The following FKBP3 variants were observed in gnomAD, a reference collection of about 807,000 sequenced individuals.
FKBP3 encodes peptidyl-prolyl cis-trans isomerase FKBP3.
A neutral mutation model predicts 30.6 loss-of-function variants in FKBP3; 21 were observed. The ratio of observed to expected loss-of-function variants is 0.69; its 90% CI spans 0.49 to 0.99. The LOEUF is 0.99. Among genes scored for constraint, FKBP3 ranks in the 50% least tolerant of loss-of-function variants. The pLI is 0.00. For missense variants in FKBP3, 283 were observed against 261.6 expected (o/e 1.08, Z -0.56); for synonymous variants, 82 against 91.3 (o/e 0.90, Z 0.58).
In FKBP3 at chr14:45,120,898, CTT is replaced by C; in HGVS notation, c.509_510del (p.Lys170SerfsTer7). ...KPLSFKVGVG[K>X]VIRGWDEALL... ...CATTCTTTACTTACTCCTCTGATAACTTTGCCTACTCCGACCTTAAAACTTAA... is the reference window on the plus strand; with the variant it reads ...CATTCTTTACTTACTCCTCTGATAACTGCCTACTCCGACCTTAAAACTTAA... On this transcript the variant is annotated frameshift_variant, in exon 5 of 7. Coordinates refer to ENST00000396062, the MANE Select transcript of FKBP3 (RefSeq NM_002013.4). LOFTEE classifies it high-confidence loss of function. 1 of 1,613,050 alleles carries C rather than the reference CTT, an allele frequency of 6.2e-7. No homozygotes were observed. The highest frequency in any genetic ancestry group is 8.5e-7 in the Non-Finnish European group (1 of 1,179,462).
At chr14:45,131,653 A>T (rs995863772) in intron 1 of FKBP3, among the ~76,000 whole-genome samples, 1 of 150,850 alleles carries the variant, frequency 6.6e-6, no homozygotes, top group Non-Finnish European at 1.5e-5. Flanking sequence ...AAAAAAAAAA[A>T]TCCTAGCTGT....
intron 3 of FKBP3, among the ~76,000 whole-genome samples, chr14:45,122,649 G>A (rs540819103): frequency 4.3e-4 from 65 of 151,764 alleles, no homozygotes; most frequent in Non-Finnish European, 7.1e-4. Context: ...GACTACAGGC[G>A]CCTGCCACCA....
intron 6 of FKBP3, 119 bp from the exon 7 acceptor site, chr14:45,116,371 C>T: frequency 1.5e-6 from 1 of 667,736 alleles, no homozygotes; most frequent in Non-Finnish European, 2.7e-6. Flanking sequence ...GACTAGGATC[C>T]TCCTTACCTG....
chr14:45,126,074 T>A (rs755063380), intron 3 of FKBP3, among the ~76,000 whole-genome samples: 23 of 151,982 alleles, frequency 1.5e-4, no homozygotes, highest in Middle Eastern at 3.4e-3. Flanking sequence ...ACTTTTTTGG[T>A]AGAGACAGGT....
intron 3 of FKBP3, among the ~76,000 whole-genome samples, chr14:45,124,708 G>A (rs1339685437): frequency 1.3e-5 from 2 of 151,462 alleles, no homozygotes; most frequent in South Asian, 2.1e-4. Flanking sequence ...CAAAGTGCTG[G>A]ATTACAGGCA....
intron 1 of FKBP3, 53 bp downstream of exon 1, chr14:45,134,296 G>A: frequency 1.5e-6 from 2 of 1,365,786 alleles, no homozygotes; most frequent in Non-Finnish European, 1.0e-6. Context: ...ATCTCCAGGG[G>A]GGTGAGGCGT....
At chr14:45,130,674 G>A in intron 2 of FKBP3, 25 bp downstream of exon 2, 1 of 1,334,426 alleles carries the variant, frequency 7.5e-7, no homozygotes, top group Non-Finnish European at 1.0e-6. Flanking sequence ...GTGATGTTCT[G>A]CTAACAGAAT....
At position 45,116,140 on chromosome 14, in the gene FKBP3, C is replaced by T. The variant is rs1226512080; in HGVS notation, c.*58G>A. ...AAGTTCTAACTAGTTGTGTAAATTTCTTCAAGGCCAAGTTTTATCATTGTT... is the reference window on the plus strand; with the variant it reads ...AAGTTCTAACTAGTTGTGTAAATTTTTTCAAGGCCAAGTTTTATCATTGTT... On this transcript the variant is annotated 3_prime_UTR_variant, in exon 7 of 7. Transcript: ENST00000396062. 1 of 1,290,530 alleles carries T rather than the reference C, an allele frequency of 7.7e-7. No homozygotes were observed. Among genetic ancestry groups the T allele is most frequent in the Non-Finnish European group, 1.1e-6 (1 of 893,002 alleles). The allele number at this position is 1,290,530 out of a possible 1,614,324, so 79.9% of individuals were successfully genotyped here.
chr14:45,133,864 C>T (rs560195239), intron 1 of FKBP3, among the ~76,000 whole-genome samples: 7 of 152,190 alleles, frequency 4.6e-5, no homozygotes, highest in Admixed American at 1.3e-4. Flanking sequence ...CCACAACCTA[C>T]GGATTTTTTA....
chr14:45,131,113 G>A (rs954600306), intron 1 of FKBP3: 1 of 181,730 alleles, frequency 5.5e-6, no homozygotes, highest in Non-Finnish European at 1.1e-5. Flanking sequence ...GTGGTGACTT[G>A]AGTCAGCTGC....
At chr14:45,127,130 T>G (rs1305829201) in intron 3 of FKBP3, among the ~76,000 whole-genome samples, 2 of 145,614 alleles carry the variant, frequency 1.4e-5, no homozygotes, top group Non-Finnish European at 3.0e-5. Flanking sequence ...TTTTTTTTTT[T>G]GAGACAGAGT....
At chr14:45,121,345 AAGT>A in intron 4 of FKBP3, 137 bp downstream of exon 4, 1 of 680,934 alleles carries the variant, frequency 1.5e-6, no homozygotes, top group Non-Finnish European at 2.4e-6. Flanking sequence ...GACCTCTTCC[AAGT>A]AGATCTTGGG....
rs1885179822 is a variant in FKBP3 at position 45,129,961 on chromosome 14, A to G, written c.211-60T>C. 5 of 1,002,782 alleles carry G rather than the reference A, an allele frequency of 5.0e-6. No individual in the cohort carries two copies. In the East Asian group the frequency reaches 1.0e-4, roughly 20 times the overall value. The allele number at this position is 1,002,782 out of a possible 1,614,324, so 62.1% of individuals were successfully genotyped here. A position where few individuals can be genotyped will look rare whatever the true frequency, so the allele number is the denominator to read the frequency against. ...CAGGCTAAAACCAAGAAGCAACATC[A>G]AGATTTTCAGCCTCTCAATTAAATG... On this transcript the variant is annotated intron_variant, in intron 2 of 6. Transcript: ENST00000396062.
At position 45,118,110 on chromosome 14, in the gene FKBP3, A is replaced by G. The variant is rs372134321; in HGVS notation, c.538T>C (p.Leu180=). ...KVIRGWDEAL[L]TMSKGEKARL... is the part of the protein sequence containing the mutation. ...GCCTTTTCTCCTTTACTCATAGTCAAGAGAGCTTCATCCCACTAAAGGCAA... is the reference window on the plus strand; with the variant it reads ...GCCTTTTCTCCTTTACTCATAGTCAGGAGAGCTTCATCCCACTAAAGGCAA... Residue 180 remains leucine (L), a synonymous_variant, in exon 6 of 7, where the codon TTG becomes CTG. Transcript: ENST00000396062. 7 of 1,599,162 alleles carry G rather than the reference A, an allele frequency of 4.4e-6. No homozygotes were observed. In the African/African-American group the frequency reaches 9.5e-5, roughly 22 times the overall value.
chr14:45,133,407 CAGT>C, intron 1 of FKBP3: 1 of 234,748 alleles, frequency 4.3e-6, no homozygotes, highest in South Asian at 3.6e-5. Context: ...GCGGAGGTTG[CAGT>C]GAGCCGAGAT....
At chr14:45,130,619 A>C in intron 2 of FKBP3, 80 bp downstream of exon 2, 1 of 830,652 alleles carries the variant, frequency 1.2e-6, no homozygotes, top group Non-Finnish European at 1.9e-6. Context: ...ACATTCAACA[A>C]ATCAATGCAT....
intron 1 of FKBP3, chr14:45,133,251 AG>A (rs1885264941): frequency 6.0e-6 from 1 of 167,112 alleles, no homozygotes; most frequent in Non-Finnish European, 1.3e-5. Flanking sequence ...GCGGATCACG[AG>A]GTCAGGAGAT....
chr14:45,131,024 T>C (rs914034930), intron 1 of FKBP3: 6 of 360,692 alleles, frequency 1.7e-5, no homozygotes, highest in South Asian at 5.1e-5. Flanking sequence ...TGTAGTGTTA[T>C]GTACTGAACA....
chr14:45,130,980 C>T (rs547144480), intron 1 of FKBP3, 180 bp from the exon 2 acceptor site: 12 of 470,236 alleles, frequency 2.6e-5, no homozygotes, highest in African/African-American at 1.4e-4. Flanking sequence ...TTTAAAAATT[C>T]GGTATTTACA....
Sources: allele counts gnomAD v4.1 joint callset (sites outside exome capture counted in the v4.1 genomes callset), GRCh38; gene constraint gnomAD v4.1.1; transcripts MANE v1.5; gene names NCBI Gene and HGNC (gene_info 2026-07-23, HGNC 2026-07-21).